Variants in PSD3 observed in about 807,000 individuals in gnomAD.
The protein encoded by PSD3 is PH and SEC7 domain-containing protein 3.
In PSD3, 49 loss-of-function variants were observed where a neutral mutation model predicts 105.5. The ratio of observed to expected loss-of-function variants is 0.46; its 90% CI spans 0.37 to 0.59. The LOEUF (loss-of-function observed/expected upper bound fraction) is 0.59. Ranked by LOEUF, PSD3 falls within the 20% of genes least tolerant of loss-of-function variation. The pLI, the probability that PSD3 is intolerant of heterozygous loss-of-function variation, is 0.00. For synonymous variants in PSD3, 557 were observed against 457.8 expected (o/e 1.22, Z -2.77); for missense variants, 1,561 against 1,263.8 (o/e 1.24, Z -3.57).
intron 8 of PSD3, among the ~76,000 whole-genome samples, chr8:18,779,600 T>C (rs1011638625): frequency 3.9e-5 from 6 of 152,178 alleles, no homozygotes; most frequent in Non-Finnish European, 4.4e-5. Context: ...CCTTTTATCA[T>C]GGCTTTTGCT....
At chr8:18,585,679 T>C (rs1803127529) in intron 12 of PSD3, among the ~76,000 whole-genome samples, 2 of 152,156 alleles carry the variant, frequency 1.3e-5, no homozygotes, top group African/African-American at 4.8e-5. Context: ...AAAGAAAAAA[T>C]ACTCTCATTT....
chr8:18,808,908 G>A (rs1198936173), intron 4 of PSD3: 2 of 1,545,566 alleles, frequency 1.3e-6, no homozygotes, highest in Non-Finnish European at 1.7e-6. Context: ...CTCCCTGTGA[G>A]GTCACACTAC....
In PSD3 at chr8:18,936,119, G is replaced by T. The variant is rs766076707; in HGVS notation, c.45C>A (p.Asn15Lys). The T allele has an allele frequency of 2.1e-5, 34 of 1,612,246 alleles. No homozygotes were observed. The Admixed American group carries it at 5.5e-4, about 26-fold the overall frequency. Residue 15 changes from asparagine (N) to lysine (K), a missense_variant, in exon 2 of 16, where the codon AAC becomes AAA. Asn to Lys is a moderately conservative substitution (Grantham distance 94). Coordinates refer to ENST00000327040, the MANE Select transcript of PSD3 (RefSeq NM_015310.4). ...CACTCTGGGAATGTGCAGATGCATT[G>T]TTCACCCAAACAAATGTCTCTGCCT... ...SAAAETFVWV[N>K]NASAHSQSVA...
chr8:18,635,432 C>G, intron 10 of PSD3, among the ~76,000 whole-genome samples: 1 of 152,042 alleles, frequency 6.6e-6, no homozygotes, highest in East Asian at 1.9e-4. Flanking sequence ...AATATACAAC[C>G]ATTGTCTTGT....
chr8:18,875,010 G>A lies in PSD3; in HGVS notation c.131-2277C>T, dbSNP rs113911125. On this transcript the variant is annotated intron_variant, in intron 2 of 15. Transcript: ENST00000327040. ...AGCTCACCGCAGCCTCGAACTCCTCGGCTCAAGTGATCCTCTCACTCCAGC... is the reference window on the plus strand; with the variant it reads ...AGCTCACCGCAGCCTCGAACTCCTCAGCTCAAGTGATCCTCTCACTCCAGC... Among the ~76,000 whole-genome samples, 515 of 152,132 alleles carry A rather than the reference G, an allele frequency of 3.4e-3. 5 individuals carry two copies. Among genetic ancestry groups the A allele is most frequent in the African/African-American group, 0.011 (468 of 41,498 alleles).
In PSD3 at chr8:18,892,775, C is replaced by A. The variant is rs149477053; in HGVS notation, c.131-20042G>T. On this transcript the variant is annotated intron_variant, in intron 2 of 15. Transcript: ENST00000327040. Reference sequence around the variant, plus strand: ...AAGTAGCTGGGATTACAGGCATATACCACCACGTATGGCTAACTTTTGTAT... The same window carrying A: ...AAGTAGCTGGGATTACAGGCATATAACACCACGTATGGCTAACTTTTGTAT... Among the ~76,000 whole-genome samples, 1,063 of 152,048 alleles carry A rather than the reference C, an allele frequency of 7.0e-3. 4 individuals carry two copies. Among genetic ancestry groups the A allele is most frequent in the Middle Eastern group, 0.02 (6 of 294 alleles).
At chr8:18,779,463 TTTA>T (rs1320020008) in intron 8 of PSD3, among the ~76,000 whole-genome samples, 7 of 152,290 alleles carry the variant, frequency 4.6e-5, no homozygotes. Flanking sequence ...CTGCTCTGAC[TTTA>T]TTATTTCCTG....
intron 11 of PSD3, among the ~76,000 whole-genome samples, chr8:18,620,005 TTATAGTCTG>T (rs1805987369): frequency 6.6e-6 from 1 of 152,088 alleles, no homozygotes; most frequent in Non-Finnish European, 1.5e-5. Context: ...AAAGAGACAT[TTATAGTCTG>T]TTTCTCTGAG....
At chr8:18,561,384 A>T (rs1015229658) in intron 14 of PSD3, among the ~76,000 whole-genome samples, 1 of 152,208 alleles carries the variant, frequency 6.6e-6, no homozygotes, top group Admixed American at 6.5e-5. Context: ...GCACAGAAAG[A>T]CAGATATTGG....
intron 1 of PSD3, among the ~76,000 whole-genome samples, chr8:19,022,112 C>A (rs1050222854): frequency 1.1e-4 from 16 of 152,208 alleles, no homozygotes; most frequent in Admixed American, 8.5e-4. Flanking sequence ...GGAGGTACCC[C>A]ACTTTTTAAA....
At position 18,898,766 on chromosome 8, in the gene PSD3, T is replaced by A. The variant is rs78065833; in HGVS notation, c.131-26033A>T. Among the ~76,000 whole-genome samples, 29 of 152,178 alleles carry A rather than the reference T, an allele frequency of 1.9e-4. No homozygotes were observed. The East Asian group carries it at 5.6e-3, about 29-fold the overall frequency. On this transcript the variant is annotated intron_variant, in intron 2 of 15. Coordinates refer to ENST00000327040, the MANE Select transcript of PSD3 (RefSeq NM_015310.4). The stretch of plus-strand genomic sequence containing the variant: ...TTACTATTCATTAAGTGGAAATGAA[T>A]CATCATAAAGGTCTTCATCCTCAAT...
At chr8:19,022,316 A>C (rs756708448) in intron 1 of PSD3, among the ~76,000 whole-genome samples, 23 of 152,186 alleles carry the variant, frequency 1.5e-4, no homozygotes, top group Non-Finnish European at 3.2e-4. Flanking sequence ...GGGGTCCTCT[A>C]TTCCAGTTCC....
chr8:18,567,869 A>C (rs1312930247), intron 14 of PSD3, among the ~76,000 whole-genome samples: 1 of 152,108 alleles, frequency 6.6e-6, no homozygotes, highest in Non-Finnish European at 1.5e-5. Context: ...TGTGATCCCC[A>C]ATGTTGGAGG....
In PSD3 at chr8:19,011,814, G is replaced by C. The variant is rs541943792; in HGVS notation, c.21+1749C>G. 2.0e-5 allele frequency among the ~76,000 whole-genome samples: 3 copies of C among 151,618 alleles called. No homozygotes were observed. In the South Asian group the frequency reaches 6.2e-4, roughly 32 times the overall value. ...CAACATTCAACCACGGAATTTGGCC[G>C]TAATAAGGTTATTTTAGCTTTGTAG... is the stretch of plus-strand genomic sequence containing the variant. On this transcript the variant is annotated intron_variant, in intron 1 of 15. Coordinates refer to ENST00000327040, the MANE Select transcript of PSD3 (RefSeq NM_015310.4).
At chr8:18,607,352 A>C (rs147079177) in intron 11 of PSD3, among the ~76,000 whole-genome samples, 1 of 152,226 alleles carries the variant, frequency 6.6e-6, no homozygotes, top group African/African-American at 2.4e-5. Context: ...CTGAACACAT[A>C]CTGTTTTAGG....
chr8:18,943,155 G>A (rs945185522), intron 1 of PSD3, among the ~76,000 whole-genome samples: 2 of 152,188 alleles, frequency 1.3e-5, no homozygotes, highest in Non-Finnish European at 2.9e-5. Flanking sequence ...GATCAACAAA[G>A]GAGGCATGGT....
At chr8:18,877,957 G>C (rs889746686) in intron 2 of PSD3, among the ~76,000 whole-genome samples, 2 of 152,050 alleles carry the variant, frequency 1.3e-5, no homozygotes, top group African/African-American at 4.8e-5. Context: ...GGTTGTTTTG[G>C]TCACTCTTGG....
rs552020595 is a variant in PSD3, at chr8:18,793,325, A to C, written c.2082+5970T>G. The stretch of plus-strand genomic sequence containing the variant: ...ACCCTAGAACTTAAAGTATAATAAC[A>C]AAATAAAATAAAAAATAAAAAAATA... On this transcript the variant is annotated intron_variant, in intron 8 of 15. Transcript: ENST00000327040. Among the ~76,000 whole-genome samples the C allele has an allele frequency of 3.2e-3, 487 of 151,702 alleles. 10 individuals carry two copies. Among genetic ancestry groups the C allele is most frequent in the Admixed American group, 0.03 (453 of 15,214 alleles).
rs146747454 is a variant in PSD3, at chr8:18,685,391, G to A, written c.2173-29706C>T. Among the ~76,000 whole-genome samples, 1,482 of 151,938 alleles carry A rather than the reference G, an allele frequency of 9.8e-3. 26 individuals carry two copies. The highest frequency in any genetic ancestry group is 0.033 in the African/African-American group (1,373 of 41,432). ...GGGTTTTGTTGCATCCTCATGACAG[G>A]GGCTTTCTTCCTATATCCTTTACAT... On this transcript the variant is annotated intron_variant, in intron 9 of 15. Coordinates refer to ENST00000327040, the MANE Select transcript of PSD3 (RefSeq NM_015310.4).
Sources: allele counts gnomAD v4.1 joint callset (sites outside exome capture counted in the v4.1 genomes callset), GRCh38; gene constraint gnomAD v4.1.1; transcripts MANE v1.5; gene names NCBI Gene and HGNC (gene_info 2026-07-23, HGNC 2026-07-21).